DPP10: variants seen among roughly 807,000 people sequenced by gnomAD.
DPP10 encodes the protein inactive dipeptidyl peptidase 10.
Under a neutral mutation model 120.9 loss-of-function variants are expected in DPP10, and 33 were observed. The ratio of observed to expected loss-of-function variants is 0.27; its 90% confidence interval spans 0.21 to 0.37. DPP10 has a LOEUF of 0.37. Among genes scored for constraint, DPP10 ranks in the 10% least tolerant of loss-of-function variants. The pLI is 1.00. For missense variants in DPP10, 816 were observed against 942.8 expected, an observed-to-expected ratio of 0.87 and a Z score of 1.76; for synonymous variants, 337 against 326.1, an observed-to-expected ratio of 1.03 and a Z score of -0.36.
intron 13 of DPP10, among the ~76,000 whole-genome samples, chr2:115,769,750 G>A (rs933350888): frequency 1.3e-5 from 2 of 151,740 alleles, no homozygotes; most frequent in African/African-American, 4.8e-5. Flanking sequence ...ATAATTAAGG[G>A]AACTTTTTTT....
At chr2:114,725,938 A>C (rs1263833001) in intron 1 of DPP10, among the ~76,000 whole-genome samples, 1 of 152,154 alleles carries the variant, frequency 6.6e-6, no homozygotes, top group African/African-American at 2.4e-5. Context: ...ATTTCAGCAA[A>C]AGTTCTTCTA....
At chr2:114,564,926 T>G (rs1470388662) in intron 1 of DPP10, among the ~76,000 whole-genome samples, 4 of 152,240 alleles carry the variant, frequency 2.6e-5, no homozygotes, top group Non-Finnish European at 5.9e-5. Context: ...AAGTTTTGTC[T>G]CCTTTCATCC....
At chr2:114,665,838 A>G (rs1697883047) in intron 1 of DPP10, among the ~76,000 whole-genome samples, 1 of 152,186 alleles carries the variant, frequency 6.6e-6, no homozygotes, top group African/African-American at 2.4e-5. Context: ...TACATAGTAT[A>G]TATTTACATT....
intron 1 of DPP10, among the ~76,000 whole-genome samples, chr2:115,142,833 C>T (rs1345208130): frequency 6.6e-6 from 1 of 152,268 alleles, no homozygotes; most frequent in East Asian, 1.9e-4. Flanking sequence ...GCTCCTCTTT[C>T]GAAGCTGCCT....
At chr2:114,699,281 A>G (rs1700248017) in intron 1 of DPP10, among the ~76,000 whole-genome samples, 1 of 149,884 alleles carries the variant, frequency 6.7e-6, no homozygotes, top group Admixed American at 6.6e-5. Flanking sequence ...ATGCAATCAT[A>G]TATACATATG....
chr2:115,562,352 T>C (rs1007806810), intron 5 of DPP10, among the ~76,000 whole-genome samples: 3 of 152,180 alleles, frequency 2.0e-5, no homozygotes, highest in African/African-American at 7.2e-5. Flanking sequence ...TCCCTTGTCT[T>C]ACTTGTCTCC....
At chr2:115,011,151 A>C (rs1487406395) in intron 1 of DPP10, among the ~76,000 whole-genome samples, 1 of 152,200 alleles carries the variant, frequency 6.6e-6, no homozygotes, top group Non-Finnish European at 1.5e-5. Context: ...TACACTGCAT[A>C]ATTTTAAATG....
chr2:115,323,191 G>A (rs183176499), intron 2 of DPP10, among the ~76,000 whole-genome samples: 9 of 152,176 alleles, frequency 5.9e-5, no homozygotes, highest in South Asian at 4.2e-4. Flanking sequence ...TGTAATATTC[G>A]AAATCCTTTG....
At chr2:115,669,096 T>A (rs1273345693) in intron 5 of DPP10, among the ~76,000 whole-genome samples, 1 of 152,118 alleles carries the variant, frequency 6.6e-6, no homozygotes, top group East Asian at 1.9e-4. Flanking sequence ...TCTGGTTTCT[T>A]AGACTAGGGG....
In DPP10 at chr2:115,628,501, T is replaced by C. The variant is rs1259133125; in HGVS notation, c.442-61186T>C. Among the ~76,000 whole-genome samples the C allele has an allele frequency of 2.0e-5, 3 of 152,222 alleles. No individual in the cohort carries two copies. The East Asian group carries it at 5.8e-4, about 29-fold the overall frequency. The stretch of plus-strand genomic sequence containing the variant: ...CAACTGATGATAGTCTCTTTTGCTG[T>C]GCAGAAGCTCTTTAGTTTAATTAGA... On this transcript the variant is annotated intron_variant, in intron 5 of 25. Transcript: ENST00000410059.
At chr2:115,712,488 C>A (rs1284573005) in intron 7 of DPP10, among the ~76,000 whole-genome samples, 1 of 128,146 alleles carries the variant, frequency 7.8e-6, no homozygotes, top group Non-Finnish European at 1.6e-5. Flanking sequence ...ATATAGTATC[C>A]TAGTTCTCAA....
chr2:115,074,475 G>A (rs772844373), intron 1 of DPP10, among the ~76,000 whole-genome samples: 8 of 152,174 alleles, frequency 5.3e-5, no homozygotes, highest in Non-Finnish European at 1.0e-4. Context: ...TTTAGGGTAC[G>A]TGAAGCAGGA....
chr2:115,296,937 A>G (rs1229676953), intron 1 of DPP10, among the ~76,000 whole-genome samples: 1 of 152,044 alleles, frequency 6.6e-6, no homozygotes, highest in African/African-American at 2.4e-5. Flanking sequence ...TGACTGTTTC[A>G]GAGGAACTAC....
intron 1 of DPP10, among the ~76,000 whole-genome samples, chr2:115,019,523 G>A (rs1330251147): frequency 1.3e-5 from 2 of 152,134 alleles, no homozygotes; most frequent in African/African-American, 4.8e-5. Flanking sequence ...TTGGGACTAC[G>A]TTAAACATCC....
intron 1 of DPP10, among the ~76,000 whole-genome samples, chr2:115,074,633 G>T (rs1707640029): frequency 6.6e-6 from 1 of 152,178 alleles, no homozygotes; most frequent in African/African-American, 2.4e-5. Context: ...ACTAAGGATG[G>T]GAGGGGAGCA....
At chr2:114,967,301 G>A (rs1699103440) in intron 1 of DPP10, among the ~76,000 whole-genome samples, 2 of 152,174 alleles carry the variant, frequency 1.3e-5, no homozygotes, top group African/African-American at 4.8e-5. Flanking sequence ...GTGTCCAAGT[G>A]AGTTGTCCTG....
At position 114,646,329 on chromosome 2, in the gene DPP10, C is replaced by CA. The variant is rs1696134154; in HGVS notation, c.60+203495dup. 3.3e-5 allele frequency among the ~76,000 whole-genome samples: 5 copies of CA among 152,052 alleles called. No homozygotes were observed. The South Asian group carries it at 1.0e-3, about 32-fold the overall frequency. ...CCAGTCCTCCCTTCCCACCATGAGA[C>CA]AAAATGAATGGAGACAAATTTAGAT... On this transcript the variant is annotated intron_variant, in intron 1 of 25. Coordinates refer to ENST00000410059, the MANE Select transcript of DPP10 (RefSeq NM_020868.6).
intron 1 of DPP10, among the ~76,000 whole-genome samples, chr2:114,697,145 C>T (rs1700115721): frequency 6.6e-6 from 1 of 151,980 alleles, no homozygotes; most frequent in Non-Finnish European, 1.5e-5. Context: ...TATTGTTGAG[C>T]TGCCTTCACA....
chr2:115,725,010 G>A (rs1477420514), intron 7 of DPP10, among the ~76,000 whole-genome samples: 1 of 152,108 alleles, frequency 6.6e-6, no homozygotes, highest in Non-Finnish European at 1.5e-5. Flanking sequence ...CTCCCACCAG[G>A]CCTCATCTCC....
Sources: allele counts gnomAD v4.1 joint callset (sites outside exome capture counted in the v4.1 genomes callset), GRCh38; gene constraint gnomAD v4.1.1; transcripts MANE v1.5; gene names NCBI Gene and HGNC (gene_info 2026-07-23, HGNC 2026-07-21).